Variants in CLNK observed in about 807,000 individuals in gnomAD.
CLNK encodes the protein cytokine-dependent hematopoietic cell linker.
CLNK carries 74 observed loss-of-function variants against 68.6 expected under a neutral mutation model. The ratio of observed to expected loss-of-function variants is 1.08; its 90% CI spans 0.89 to 1.31. The LOEUF is 1.31. Among genes scored for constraint, CLNK ranks in the 50% most tolerant of loss-of-function variants. CLNK has a pLI of 0.00. For synonymous variants in CLNK, 198 were observed against 172.2 expected (o/e 1.15, Z -1.17); for missense variants, 553 against 515.3 (o/e 1.07, Z -0.71).
At chr4:10,565,938 C>T in intron 6 of CLNK, 71 bp downstream of exon 6, 1 of 1,527,416 alleles carries the variant, frequency 6.5e-7, no homozygotes, top group Non-Finnish European at 8.9e-7. Context: ...AGAAACCGCA[C>T]CTTTAAATAG....
At chr4:10,694,328 C>T in the CLNK span, among the ~76,000 whole-genome samples, 2 of 151,894 alleles carry the variant, frequency 1.3e-5, no homozygotes, top group East Asian at 3.9e-4. Flanking sequence ...GGAACAAGGG[C>T]ACTCACACAC....
intron 5 of CLNK, among the ~76,000 whole-genome samples, chr4:10,569,886 T>C (rs1720272472): frequency 6.6e-6 from 1 of 152,232 alleles, no homozygotes; most frequent in Non-Finnish European, 1.5e-5. Context: ...TCTACTTTGG[T>C]ATCTATTCCA....
intron 17 of CLNK, among the ~76,000 whole-genome samples, chr4:10,502,337 C>G (rs1717090728): frequency 6.6e-6 from 1 of 151,992 alleles, no homozygotes; most frequent in Non-Finnish European, 1.5e-5. Flanking sequence ...GAGAGGAGCC[C>G]CTTATAAAAC....
intron 4 of CLNK, among the ~76,000 whole-genome samples, chr4:10,584,397 C>T (rs1338887439): frequency 1.3e-5 from 2 of 152,108 alleles, no homozygotes; most frequent in Non-Finnish European, 2.9e-5. Context: ...TGGGACTTTC[C>T]CTGAAATAAT....
chr4:10,545,168 A>G (rs1236286928), intron 8 of CLNK, among the ~76,000 whole-genome samples: 1 of 152,136 alleles, frequency 6.6e-6, no homozygotes, highest in East Asian at 1.9e-4. Flanking sequence ...TTGTAGCCCC[A>G]AATTCTTAAC....
At chr4:10,637,845 A>G (rs28729939) in intron 2 of CLNK, among the ~76,000 whole-genome samples, 48,613 of 149,972 alleles carry the variant, frequency 0.32, 8,914 homozygotes, top group African/African-American at 0.51. Context: ...TTTGTGATTC[A>G]CCCGCCTCAG....
At chr4:10,581,360 TATAAAG>T (rs955335326) in intron 4 of CLNK, among the ~76,000 whole-genome samples, 7 of 152,028 alleles carry the variant, frequency 4.6e-5, no homozygotes, top group African/African-American at 1.7e-4. Flanking sequence ...CACACACACA[TATAAAG>T]AGAGAGGAGA....
At chr4:10,662,812 T>A (rs992791466) in intron 2 of CLNK, among the ~76,000 whole-genome samples, 1 of 152,374 alleles carries the variant, frequency 6.6e-6, no homozygotes, top group East Asian at 1.9e-4. Flanking sequence ...CAATTTTCAT[T>A]CTTCTTTGTA....
chr4:10,629,672 G>T (rs1722810098), intron 2 of CLNK, among the ~76,000 whole-genome samples: 1 of 151,972 alleles, frequency 6.6e-6, no homozygotes, highest in African/African-American at 2.4e-5. Flanking sequence ...CCAAAACCAG[G>T]CCAATGTCTC....
Position 10,556,860 on chromosome 4 carries a change from G to A in CLNK, c.445+1547C>T, listed in dbSNP as rs567132645. 1.4e-4 allele frequency among the ~76,000 whole-genome samples: 21 copies of A among 152,108 alleles called. No individual in the cohort carries two copies. The South Asian group carries it at 3.3e-3, about 24-fold the overall frequency. On this transcript the variant is annotated intron_variant, in intron 8 of 18. Coordinates refer to ENST00000226951, the MANE Select transcript of CLNK (RefSeq NM_052964.4). The stretch of plus-strand genomic sequence containing the variant: ...TGGGAGGCCGAGGTGGGCAGATCAC[G>A]AGGTCAGGAGTTCGCGACCAGCCTG...
chr4:10,542,656 A>G (rs55778778), intron 8 of CLNK, among the ~76,000 whole-genome samples: 74,458 of 131,384 alleles, frequency 0.57, 21,758 homozygotes, highest in Non-Finnish European at 0.68. Flanking sequence ...GTGTGTGTGT[A>G]TGTGTGTGTG....
intron 2 of CLNK, among the ~76,000 whole-genome samples, chr4:10,651,862 A>G (rs1215019930): frequency 2.0e-5 from 3 of 152,120 alleles, no homozygotes; most frequent in African/African-American, 7.2e-5. Context: ...GTGTATTAAA[A>G]TATCTATGGA....
intron 7 of CLNK, 37 bp downstream of exon 7, chr4:10,564,634 A>G (rs1262016741): frequency 7.1e-7 from 1 of 1,405,544 alleles, no homozygotes; most frequent in South Asian, 1.2e-5. Context: ...GAAGAGCCCT[A>G]CACATGTTTG....
In CLNK at chr4:10,597,812, C is replaced by T. The variant is rs1320322535; in HGVS notation, c.83+166G>A. Among the ~76,000 whole-genome samples, 5 of 152,322 alleles carry T rather than the reference C, an allele frequency of 3.3e-5. 1 individual carries two copies. The highest frequency in any genetic ancestry group is 6.8e-3 in the Middle Eastern group (2 of 294). ...TTGTATCACACACCTGCTGGCTGCT[C>T]AACCCCAGCCAATCCCCTTCTCCTG... is the stretch of plus-strand genomic sequence containing the variant. On this transcript the variant is annotated intron_variant, in intron 3 of 18. Coordinates refer to ENST00000226951, the MANE Select transcript of CLNK (RefSeq NM_052964.4).
chr4:10,685,915 T>G (rs2108906375), upstream of CLNK, among the ~76,000 whole-genome samples: 1 of 152,330 alleles, frequency 6.6e-6, no homozygotes, highest in African/African-American at 2.4e-5. Context: ...AGTAACCACT[T>G]TATTTAGTTC....
At position 10,561,558 on chromosome 4, in the gene CLNK, G is replaced by C. The variant is rs571881555; in HGVS notation, c.400-3106C>G. Among the ~76,000 whole-genome samples, 5 of 152,278 alleles carry C rather than the reference G, an allele frequency of 3.3e-5. No individual in the cohort carries two copies. In the South Asian group the frequency reaches 1.0e-3, roughly 32 times the overall value. ...GCCAGTCATTTACAGGGAAAGTTCA[G>C]CTCAAATTTTTTAGTTCAGCGTTCT... On this transcript the variant is annotated intron_variant, in intron 7 of 18. Transcript: ENST00000226951.
intron 2 of CLNK, among the ~76,000 whole-genome samples, chr4:10,643,559 A>T (rs1433655197): frequency 6.6e-6 from 1 of 152,252 alleles, no homozygotes; most frequent in Admixed American, 6.5e-5. Flanking sequence ...ATACACTGGG[A>T]AGAAGATATG....
intron 1 of CLNK, among the ~76,000 whole-genome samples, chr4:10,678,332 AG>A (rs1234163506): frequency 3.9e-5 from 6 of 152,192 alleles, no homozygotes; most frequent in Admixed American, 3.9e-4. Flanking sequence ...CACTCTGTAA[AG>A]TATAAACCGC....
chr4:10,502,191 G>A (rs1248550046), intron 17 of CLNK, among the ~76,000 whole-genome samples: 2 of 152,186 alleles, frequency 1.3e-5, no homozygotes, highest in Non-Finnish European at 2.9e-5. Context: ...AATTTATAAA[G>A]GAAAGAGGTT....
Sources: gnomAD v4.1 joint callset for allele counts (sites outside exome capture counted in the v4.1 genomes callset) on GRCh38, gnomAD v4.1.1 for gene constraint, MANE v1.5 for transcripts, NCBI Gene and HGNC (gene_info 2026-07-23, HGNC 2026-07-21) for gene names.